Variants in FCRL2 observed in about 807,000 individuals in gnomAD.
FCRL2 encodes the protein Fc receptor-like protein 2.
A neutral mutation model predicts 59.8 loss-of-function variants in FCRL2; 48 were observed. The ratio of observed to expected loss-of-function variants is 0.80; its 90% CI spans 0.64 to 1.02. The LOEUF is 1.02. Among genes scored for constraint, FCRL2 ranks in the 50% least tolerant of loss-of-function variants. The probability of loss-of-function intolerance (pLI) is 0.00; values close to 1 mark genes in which losing one functional copy is unlikely to be tolerated. For missense variants in FCRL2, 658 were observed against 597.3 expected, an observed-to-expected ratio of 1.10 and a Z score of -1.06; for synonymous variants, 251 against 229.5, an observed-to-expected ratio of 1.09 and a Z score of -0.85.
chr1:157,765,327 A>G (rs1368485096), intron 7 of FCRL2, among the ~76,000 whole-genome samples: 1 of 152,226 alleles, frequency 6.6e-6, no homozygotes, highest in Non-Finnish European at 1.5e-5. Context: ...AGAAAAGCCG[A>G]GGACTGGATG....
Position 157,770,594 on chromosome 1 carries a change from T to C in FCRL2, c.125A>G (p.Gln42Arg). 5 of 1,614,202 alleles carry C rather than the reference T, an allele frequency of 3.1e-6. No homozygotes were observed. Among genetic ancestry groups the C allele is most frequent in the Non-Finnish European group, 4.2e-6 (5 of 1,180,016 alleles). ...DSIVLKCQGE[Q>R]NWKIQKMAYH... ...AGCCATCTTCTGAATTTTCCAGTTCTGTTCTCCCTGGCATTTCAGAACGAT... is the reference window on the plus strand; with the variant it reads ...AGCCATCTTCTGAATTTTCCAGTTCCGTTCTCCCTGGCATTTCAGAACGAT... The change falls in exon 3 of 12, where the codon CAG becomes CGG. Residue 42 changes from glutamine (Q) to arginine (R), a missense_variant. Gln to Arg is a conservative substitution (Grantham distance 43). Coordinates refer to ENST00000361516, the MANE Select transcript of FCRL2 (RefSeq NM_030764.4).
chr1:157,764,029 C>CA (rs34230382), intron 7 of FCRL2, among the ~76,000 whole-genome samples: 25,228 of 102,940 alleles, frequency 0.25, 2,936 homozygotes, highest in Non-Finnish European at 0.29. Context: ...GACTTCATCT[C>CA]AAAAAAAAAA....
At chr1:157,774,938 C>T (rs369974401) in intron 2 of FCRL2, among the ~76,000 whole-genome samples, 11 of 152,258 alleles carry the variant, frequency 7.2e-5, no homozygotes, top group African/African-American at 2.6e-4. Flanking sequence ...TGTCTTGGCT[C>T]ATGTGAAGAT....
intron 7 of FCRL2, among the ~76,000 whole-genome samples, chr1:157,754,660 G>C (rs1211569345): frequency 6.6e-6 from 1 of 151,846 alleles, no homozygotes; most frequent in Non-Finnish European, 1.5e-5. Context: ...AATATAAAGT[G>C]ATACAATTCT....
intron 7 of FCRL2, among the ~76,000 whole-genome samples, chr1:157,759,264 C>T (rs931833603): frequency 3.9e-5 from 6 of 152,118 alleles, no homozygotes; most frequent in East Asian, 3.9e-4. Context: ...AACTGTGAGT[C>T]GATTAAACCT....
At chr1:157,776,378 T>C (rs2101779650) in intron 1 of FCRL2, among the ~76,000 whole-genome samples, 1 of 152,286 alleles carries the variant, frequency 6.6e-6, no homozygotes, top group Non-Finnish European at 1.5e-5. Context: ...CAAGCAATTC[T>C]CCTGCCTCAG....
intron 7 of FCRL2, among the ~76,000 whole-genome samples, chr1:157,762,486 A>G (rs1649177304): frequency 6.6e-6 from 1 of 152,236 alleles, no homozygotes; most frequent in Non-Finnish European, 1.5e-5. Flanking sequence ...TTGGGGTCCC[A>G]GATGGCAAAG....
intron 7 of FCRL2, among the ~76,000 whole-genome samples, chr1:157,752,735 C>T (rs1307828409): frequency 6.6e-6 from 1 of 152,032 alleles, no homozygotes; most frequent in Non-Finnish European, 1.5e-5. Context: ...ATGGTGAAAG[C>T]CTATATAAGT....
At chr1:157,772,590 T>C (rs1194459579) in intron 2 of FCRL2, among the ~76,000 whole-genome samples, 2 of 152,136 alleles carry the variant, frequency 1.3e-5, no homozygotes, top group African/African-American at 2.4e-5. Flanking sequence ...ACTGATTGAT[T>C]TCAGTTCTCA....
In FCRL2 at chr1:157,770,621, C is replaced by A. The variant is rs201707796; in HGVS notation, c.98G>T (p.Ser33Ile). Reference sequence around the variant, plus strand: ...TTCTCCCTGGCATTTCAGAACGATGCTGTCTCCTTCGAAGACAGAAGAGGG... The same window carrying A: ...TTCTCCCTGGCATTTCAGAACGATGATGTCTCCTTCGAAGACAGAAGAGGG... ...VAPSSVFEGD[S>I]IVLKCQGEQN... Residue 33 changes from serine (S) to isoleucine (I), a missense_variant, in exon 3 of 12, where the codon AGC (serine) becomes ATC (isoleucine). Transcript: ENST00000361516. The A allele has an allele frequency of 3.0e-5, 49 of 1,614,038 alleles. No homozygotes were observed. The highest frequency in any genetic ancestry group is 3.5e-5 in the Non-Finnish European group (41 of 1,180,020).
Position 157,748,534 on chromosome 1 carries a change from C to A in FCRL2, c.1459+19G>T. 1 of 1,605,844 alleles carries A rather than the reference C, an allele frequency of 6.2e-7. No individual in the cohort carries two copies. The highest frequency in any genetic ancestry group is 8.5e-7 in the Non-Finnish European group (1 of 1,173,104). On this transcript the variant is annotated intron_variant, in intron 10 of 11. Coordinates refer to ENST00000361516, the MANE Select transcript of FCRL2 (RefSeq NM_030764.4). ...CCTGTGAATATGCATCTGACAAGAA[C>A]TACTTTGCAGTTTCTCACCTGAGCT...
intron 10 of FCRL2, among the ~76,000 whole-genome samples, chr1:157,747,751 T>C (rs1230941006): frequency 6.6e-6 from 1 of 152,240 alleles, no homozygotes; most frequent in Non-Finnish European, 1.5e-5. Flanking sequence ...TCCTCTGCAC[T>C]GCTGCAGAAC....
At chr1:157,770,970 T>C (rs1649978591) in intron 2 of FCRL2, among the ~76,000 whole-genome samples, 1 of 152,166 alleles carries the variant, frequency 6.6e-6, no homozygotes, top group African/African-American at 2.4e-5. Context: ...ATGACGGCCA[T>C]CTTCTGGGCT....
intron 6 of FCRL2, 76 bp downstream of exon 6, chr1:157,767,155 C>T (rs1007446378): frequency 3.3e-6 from 5 of 1,527,106 alleles, no homozygotes; most frequent in Non-Finnish European, 4.4e-6. Context: ...CCCCTCTTCA[C>T]ACACAGCAGA....
At chr1:157,774,686 ATGGGTATCACAGGGTGGGACTCC>A (rs1469198904) in intron 2 of FCRL2, among the ~76,000 whole-genome samples, 2 of 152,188 alleles carry the variant, frequency 1.3e-5, no homozygotes, top group Non-Finnish European at 2.9e-5. Flanking sequence ...CAGTGGAGTG[ATGGGTATCACAGGGTGGGACTCC>A]TGGACCTTAT....
intron 7 of FCRL2, among the ~76,000 whole-genome samples, chr1:157,752,567 G>A (rs1013273856): frequency 1.3e-5 from 2 of 152,214 alleles, no homozygotes; most frequent in Admixed American, 6.5e-5. Context: ...ACCAGAGTCA[G>A]GGAAAATATA....
At position 157,746,209 on chromosome 1, in the gene FCRL2, G is replaced by A. The variant is rs1431778990; in HGVS notation, c.*527C>T. 1 of 153,428 alleles carries A rather than the reference G, an allele frequency of 6.5e-6. No homozygotes were observed. The highest frequency in any genetic ancestry group is 1.5e-5 in the Non-Finnish European group (1 of 68,932). 9.5% of individuals were successfully genotyped at this position (153,428 alleles called of 1,614,324 possible). A position where few individuals can be genotyped will look rare whatever the true frequency, so the allele number is the denominator to read the frequency against. On this transcript the variant is annotated 3_prime_UTR_variant, in exon 12 of 12. Transcript: ENST00000361516. Reference sequence around the variant, plus strand: ...TGCTGAAACTATGCCAAAAAATCAAGGAGGAAGGGCTCCTGCCTAACTCAT... The same window carrying A: ...TGCTGAAACTATGCCAAAAAATCAAAGAGGAAGGGCTCCTGCCTAACTCAT...
At chr1:157,772,480 C>G (rs972302593) in intron 2 of FCRL2, among the ~76,000 whole-genome samples, 1 of 152,154 alleles carries the variant, frequency 6.6e-6, no homozygotes, top group Admixed American at 6.5e-5. Flanking sequence ...GGTGAGCCGG[C>G]TTGCAGCTCT....
At chr1:157,750,589 C>T (rs1648116042) in intron 7 of FCRL2, among the ~76,000 whole-genome samples, 1 of 152,206 alleles carries the variant, frequency 6.6e-6, no homozygotes, top group Non-Finnish European at 1.5e-5. Flanking sequence ...GCCAATATTT[C>T]AACTTTGTTA....
Sources: gnomAD v4.1 joint callset for allele counts (sites outside exome capture counted in the v4.1 genomes callset) on GRCh38, gnomAD v4.1.1 for gene constraint, MANE v1.5 for transcripts, NCBI Gene and HGNC (gene_info 2026-07-23, HGNC 2026-07-21) for gene names.